The following NARS2 variants were observed in gnomAD, a reference collection of about 807,000 sequenced individuals.
NARS2 encodes asparaginyl-tRNA synthetase 2, mitochondrial.
Under a neutral mutation model 62.9 loss-of-function variants are expected in NARS2, and 60 were observed. The ratio of observed to expected loss-of-function variants is 0.95; its 90% CI spans 0.77 to 1.18. The LOEUF (loss-of-function observed/expected upper bound fraction) is 1.18. Ranked by LOEUF, NARS2 falls within the 50% of genes most tolerant of loss-of-function variation. The probability of loss-of-function intolerance (pLI) is 0.00; values close to 1 mark genes in which losing one functional copy is unlikely to be tolerated. For missense variants in NARS2, 619 were observed against 576.4 expected, an observed-to-expected ratio of 1.07 and a Z score of -0.76; for synonymous variants, 196 against 200.0, an observed-to-expected ratio of 0.98 and a Z score of 0.17.
chr11:78,445,244 T>C (rs899115932), intron 11 of NARS2, among the ~76,000 whole-genome samples: 1 of 152,192 alleles, frequency 6.6e-6, no homozygotes, highest in African/African-American at 2.4e-5. Flanking sequence ...AAATGATAGC[T>C]TAATATTTTA....
At chr11:78,493,232 A>G in intron 6 of NARS2, 37 bp from the exon 7 acceptor site, 1 of 1,561,308 alleles carries the variant, frequency 6.4e-7, no homozygotes, top group Non-Finnish European at 8.6e-7. Context: ...AATAGAATTC[A>G]CATGATTAAT....
At chr11:78,498,933 C>T (rs1218910665) in intron 6 of NARS2, among the ~76,000 whole-genome samples, 1 of 37,842 alleles carries the variant, frequency 2.6e-5, no homozygotes, top group Non-Finnish European at 5.6e-5. Context: ...GAGTCTCGCT[C>T]TGTCACCCAG....
chr11:78,523,991 T>C (rs1861215599), intron 6 of NARS2, among the ~76,000 whole-genome samples: 2 of 152,164 alleles, frequency 1.3e-5, no homozygotes, highest in South Asian at 4.1e-4. Context: ...TTTTAGGGCA[T>C]ATACGTTCTC....
chr11:78,464,350 G>C (rs1310072544), intron 11 of NARS2, among the ~76,000 whole-genome samples: 1 of 152,132 alleles, frequency 6.6e-6, no homozygotes, highest in Non-Finnish European at 1.5e-5. Context: ...AGTGTGGAAG[G>C]GGACCCGAGC....
At chr11:78,526,844 G>T (rs1463250977) in intron 6 of NARS2, among the ~76,000 whole-genome samples, 1 of 152,054 alleles carries the variant, frequency 6.6e-6, no homozygotes, top group East Asian at 1.9e-4. Flanking sequence ...TAATAGAAAT[G>T]AATACTAAAA....
At chr11:78,461,495 A>G (rs1858392873) in intron 11 of NARS2, among the ~76,000 whole-genome samples, 1 of 151,756 alleles carries the variant, frequency 6.6e-6, no homozygotes, top group Non-Finnish European at 1.5e-5. Context: ...TGGATTTAAT[A>G]ACATGAAGAT....
chr11:78,559,656 C>A (rs1378952467), intron 4 of NARS2, 37 bp from the exon 5 acceptor site: 4 of 1,389,508 alleles, frequency 2.9e-6, no homozygotes, highest in Admixed American at 3.4e-5. Flanking sequence ...GATATTTGCA[C>A]ATTCAACAAT....
At chr11:78,476,858 T>C (rs969060721) in intron 9 of NARS2, among the ~76,000 whole-genome samples, 1 of 152,138 alleles carries the variant, frequency 6.6e-6, no homozygotes, top group African/African-American at 2.4e-5. Context: ...TACCCTTAAT[T>C]CCAGTACCCT....
chr11:78,515,645 G>C (rs1345373756), intron 6 of NARS2, among the ~76,000 whole-genome samples: 27 of 151,612 alleles, frequency 1.8e-4, no homozygotes, highest in Non-Finnish European at 2.9e-5. Flanking sequence ...AGCCTCTAAA[G>C]TAGCTGGGAC....
chr11:78,554,134 G>A (rs182555276), intron 5 of NARS2, among the ~76,000 whole-genome samples: 54 of 152,272 alleles, frequency 3.5e-4, no homozygotes, highest in South Asian at 8.3e-4. Flanking sequence ...ACTGTTTTGG[G>A]AGTGGAGCCT....
intron 6 of NARS2, among the ~76,000 whole-genome samples, chr11:78,513,631 A>G (rs1860798471): frequency 6.6e-6 from 1 of 151,974 alleles, no homozygotes; most frequent in Admixed American, 6.5e-5. Context: ...TACAAAAATT[A>G]GCCGGGCGTA....
intron 5 of NARS2, among the ~76,000 whole-genome samples, chr11:78,548,988 A>G (rs79963115): frequency 0.024 from 3,633 of 152,222 alleles, 132 homozygotes; most frequent in African/African-American, 0.082. Context: ...CTACCCCCCA[A>G]TTAGAGCCAA....
chr11:78,529,073 G>A, intron 5 of NARS2, 137 bp from the exon 6 acceptor site: 1 of 609,098 alleles, frequency 1.6e-6, no homozygotes, highest in Non-Finnish European at 2.9e-6. Context: ...GAAAATAAAG[G>A]TAGTTACACA....
intron 5 of NARS2, among the ~76,000 whole-genome samples, chr11:78,537,052 A>G (rs1231087894): frequency 6.6e-6 from 1 of 152,170 alleles, no homozygotes; most frequent in Non-Finnish European, 1.5e-5. Flanking sequence ...AAGAGACTAG[A>G]CCATACAGCC....
chr11:78,504,528 C>T (rs1011222346), intron 6 of NARS2, among the ~76,000 whole-genome samples: 13 of 146,076 alleles, frequency 8.9e-5, no homozygotes, highest in African/African-American at 3.3e-4. Flanking sequence ...TGGCTAGCAA[C>T]GAATACATGT....
Position 78,494,754 on chromosome 11 carries a change from T to C in NARS2, c.690-1559A>G, listed in dbSNP as rs147711076. ...CTACAGACTTGCCTACTAGAATGTT[T>C]TGAAAAAGACTAAACCTACCTTATG... On this transcript the variant is annotated intron_variant, in intron 6 of 13. Coordinates refer to ENST00000281038, the MANE Select transcript of NARS2 (RefSeq NM_024678.6). Among the ~76,000 whole-genome samples the C allele has an allele frequency of 4.7e-3, 714 of 152,318 alleles. 7 individuals carry two copies. The highest frequency in any genetic ancestry group is 0.01 in the Middle Eastern group (3 of 294).
intron 1 of NARS2, 88 bp downstream of exon 1, chr11:78,574,260 T>A: frequency 6.4e-7 from 1 of 1,559,150 alleles, no homozygotes; most frequent in Non-Finnish European, 8.8e-7. Flanking sequence ...CGGTTGTGTC[T>A]GACCCGACTG....
At chr11:78,441,009 C>A in intron 13 of NARS2, 82 bp downstream of exon 13, 1 of 1,267,116 alleles carries the variant, frequency 7.9e-7, no homozygotes, top group Non-Finnish European at 1.1e-6. Flanking sequence ...TTCATGGGGT[C>A]TTGGGGATAC....
chr11:78,436,422 T>C lies in NARS2; in HGVS notation c.*248A>G, dbSNP rs1365367503. ...CTAATTCAATTTCTTCATTTCTTAA[T>C]TGAGGTAATGGATTTGAGAGTCCCC... On this transcript the variant is annotated 3_prime_UTR_variant, in exon 14 of 14. Coordinates refer to ENST00000281038, the MANE Select transcript of NARS2 (RefSeq NM_024678.6). 2 of 403,204 alleles carry C rather than the reference T, an allele frequency of 5.0e-6. No individual in the cohort carries two copies. The highest frequency in any genetic ancestry group is 8.9e-6 in the Non-Finnish European group (2 of 223,656). 25.0% of individuals were successfully genotyped at this position (403,204 alleles called of 1,614,324 possible). A position where few individuals can be genotyped will look rare whatever the true frequency, so the allele number is the denominator to read the frequency against.
Sources: gnomAD v4.1 joint callset for allele counts (sites outside exome capture counted in the v4.1 genomes callset) on GRCh38, gnomAD v4.1.1 for gene constraint, MANE v1.5 for transcripts, NCBI Gene and HGNC (gene_info 2026-07-23, HGNC 2026-07-21) for gene names.